Variants in ORC5 observed in about 807,000 individuals in gnomAD.
ORC5 encodes the protein origin recognition complex subunit 5.
Under a neutral mutation model 58.8 loss-of-function variants are expected in ORC5, and 39 were observed. The ratio of observed to expected loss-of-function variants is 0.66; its 90% CI spans 0.51 to 0.87. ORC5 has a LOEUF of 0.87. Ranked by LOEUF, ORC5 falls within the 40% of genes least tolerant of loss-of-function variation. The pLI is 0.00. For synonymous variants in ORC5, 218 were observed against 177.6 expected, an observed-to-expected ratio of 1.23 and a Z score of -1.81; for missense variants, 493 against 506.3, an observed-to-expected ratio of 0.97 and a Z score of 0.25.
At chr7:104,155,690 GGGAA>G (rs1798914848) in intron 12 of ORC5, among the ~76,000 whole-genome samples, 1 of 115,516 alleles carries the variant, frequency 8.7e-6, no homozygotes, top group East Asian at 2.9e-4. Context: ...TTTATTCTCT[GGGAA>G]AAAAATAAAG....
rs767144338 is a variant in ORC5, at chr7:104,184,046, G to A, written c.734-13C>T. On this transcript the variant is annotated splice_polypyrimidine_tract_variant and intron_variant, in intron 7 of 13. Transcript: ENST00000297431. ...TCACGTTCACTTGCTACCCCAAAGGGAAGAAAATTTCAGTAATTTATATCT... is the reference window on the plus strand; with the variant it reads ...TCACGTTCACTTGCTACCCCAAAGGAAAGAAAATTTCAGTAATTTATATCT... 3.7e-6 allele frequency: 6 copies of A among 1,604,546 alleles called. No individual in the cohort carries two copies. Among genetic ancestry groups the A allele is most frequent in the Admixed American group, 3.4e-5 (2 of 58,524 alleles).
intron 8 of ORC5, among the ~76,000 whole-genome samples, chr7:104,172,037 C>G (rs1364784556): frequency 6.6e-6 from 1 of 152,210 alleles, no homozygotes; most frequent in Non-Finnish European, 1.5e-5. Context: ...ACAATCTTCT[C>G]TTTTCCTTTC....
chr7:104,186,517 A>G (rs892195136), intron 6 of ORC5, among the ~76,000 whole-genome samples: 10 of 152,206 alleles, frequency 6.6e-5, no homozygotes, highest in African/African-American at 2.4e-4. Flanking sequence ...ACAAACCTAA[A>G]TGAATATCAA....
At chr7:104,127,010 C>T (rs1798439410) in intron 13 of ORC5, 117 bp from the exon 14 acceptor site, 1 of 608,626 alleles carries the variant, frequency 1.6e-6, no homozygotes, top group Non-Finnish European at 2.9e-6. Flanking sequence ...TCCTATAGTG[C>T]TATCAAATGC....
intron 6 of ORC5, among the ~76,000 whole-genome samples, chr7:104,186,345 G>A (rs1465006875): frequency 6.6e-6 from 1 of 152,104 alleles, no homozygotes; most frequent in Non-Finnish European, 1.5e-5. Context: ...GGGTTTGAGT[G>A]TGCTAGGATT....
intron 5 of ORC5, among the ~76,000 whole-genome samples, chr7:104,190,349 C>T (rs1419004972): frequency 6.6e-6 from 1 of 152,058 alleles, no homozygotes; most frequent in African/African-American, 2.4e-5. Flanking sequence ...AGAAAATGCT[C>T]TTCATGTTTT....
intron 5 of ORC5, among the ~76,000 whole-genome samples, chr7:104,191,804 T>A (rs1799683144): frequency 6.6e-6 from 1 of 152,036 alleles, no homozygotes; most frequent in African/African-American, 2.4e-5. Flanking sequence ...CCACTGGTTG[T>A]CTCCTTGGGT....
At chr7:104,159,102 A>G (rs989061908) in intron 12 of ORC5, among the ~76,000 whole-genome samples, 3 of 151,168 alleles carry the variant, frequency 2.0e-5, no homozygotes, top group African/African-American at 7.3e-5. Context: ...GATAGACTGG[A>G]TTAAGAAAAT....
chr7:104,140,242 G>A (rs560941139), intron 12 of ORC5, among the ~76,000 whole-genome samples: 116 of 151,932 alleles, frequency 7.6e-4, no homozygotes, highest in African/African-American at 2.6e-3. Context: ...CCTTTCATTA[G>A]GACCATAGAC....
At chr7:104,146,768 T>C (rs1798759117) in intron 12 of ORC5, among the ~76,000 whole-genome samples, 1 of 152,098 alleles carries the variant, frequency 6.6e-6, no homozygotes, top group African/African-American at 2.4e-5. Context: ...TAAAATTTCA[T>C]ATAACCAAAT....
chr7:104,151,784 T>C (rs1798851353), intron 12 of ORC5, among the ~76,000 whole-genome samples: 1 of 152,172 alleles, frequency 6.6e-6, no homozygotes, highest in Non-Finnish European at 1.5e-5. Flanking sequence ...CACAGAGCAC[T>C]AGCGCCAAGG....
chr7:104,192,824 A>C (rs1055304212), intron 5 of ORC5, among the ~76,000 whole-genome samples: 1 of 152,012 alleles, frequency 6.6e-6, no homozygotes, highest in Non-Finnish European at 1.5e-5. Context: ...CAGTAATGAA[A>C]TATTCTACAG....
At chr7:104,154,860 A>T (rs1357706875) in intron 12 of ORC5, among the ~76,000 whole-genome samples, 2 of 151,904 alleles carry the variant, frequency 1.3e-5, no homozygotes, top group Non-Finnish European at 3.0e-5. Flanking sequence ...AAATATGCCA[A>T]AATCTATTTT....
At chr7:104,135,880 C>T (rs988705080) in intron 13 of ORC5, among the ~76,000 whole-genome samples, 1 of 152,114 alleles carries the variant, frequency 6.6e-6, no homozygotes, top group East Asian at 1.9e-4. Flanking sequence ...ATTAGGAACA[C>T]ACTGTCTATG....
chr7:104,143,093 A>G (rs948241786), intron 12 of ORC5, among the ~76,000 whole-genome samples: 3 of 152,206 alleles, frequency 2.0e-5, no homozygotes, highest in Admixed American at 6.5e-5. Flanking sequence ...AAAATAGGTT[A>G]GTAATAGCTA....
At position 104,195,172 on chromosome 7, in the gene ORC5, A is replaced by G; in HGVS notation, c.524T>C (p.Phe175Ser). 1 of 1,575,152 alleles carries G rather than the reference A, an allele frequency of 6.3e-7. No individual in the cohort carries two copies. The change falls in exon 5 of 14, where the codon TTT (phenylalanine) becomes TCT (serine). Residue 175 changes from phenylalanine (F) to serine (S), a missense_variant. Phe to Ser is a radical substitution (Grantham distance 155). Transcript: ENST00000297431. ...FRPNTGCFEP[F>S]VLYFPDYSIG... The stretch of plus-strand genomic sequence containing the variant: ...GCTGTAATCAGGGAAATATAAGACA[A>G]ACGGCTCAAAGCATCCAGTATTTGG...
At chr7:104,194,099 C>CTTT (rs34994380) in intron 5 of ORC5, among the ~76,000 whole-genome samples, 2,705 of 132,958 alleles carry the variant, frequency 0.02, 39 homozygotes, top group Admixed American at 0.029. Flanking sequence ...GGTACAGAGC[C>CTTT]TTTTTTTTTT....
chr7:104,175,788 C>T (rs77826104), intron 8 of ORC5, among the ~76,000 whole-genome samples: 10 of 152,138 alleles, frequency 6.6e-5, no homozygotes, highest in Middle Eastern at 3.2e-3. Flanking sequence ...CCTGCTAAAA[C>T]GCTTCCTCAT....
intron 5 of ORC5, among the ~76,000 whole-genome samples, chr7:104,194,452 CA>C (rs928808036): frequency 1.1e-4 from 17 of 152,016 alleles, no homozygotes; most frequent in Admixed American, 5.9e-4. Flanking sequence ...TATGACAGCC[CA>C]GTCTTAATCC....
Sources: allele counts gnomAD v4.1 joint callset (sites outside exome capture counted in the v4.1 genomes callset), GRCh38; gene constraint gnomAD v4.1.1; transcripts MANE v1.5; gene names NCBI Gene and HGNC (gene_info 2026-07-23, HGNC 2026-07-21).